Variants in AFAP1L2 observed in about 807,000 individuals in gnomAD.
AFAP1L2 encodes actin filament associated protein 1 like 2.
AFAP1L2 carries 46 observed loss-of-function variants against 99.3 expected under a neutral mutation model. The ratio of observed to expected loss-of-function variants is 0.46; its 90% confidence interval spans 0.37 to 0.59. The LOEUF is 0.59. Among genes scored for constraint, AFAP1L2 ranks in the 20% least tolerant of loss-of-function variants. The pLI, the probability that AFAP1L2 is intolerant of heterozygous loss-of-function variation, is 0.00. For missense variants in AFAP1L2, 959 were observed against 1,034.9 expected, an observed-to-expected ratio of 0.93 and a Z score of 1.01; for synonymous variants, 397 against 419.1, an observed-to-expected ratio of 0.95 and a Z score of 0.64.
chr10:114,291,996 G>A (rs775982897), downstream of AFAP1L2, among the ~76,000 whole-genome samples: 37 of 152,290 alleles, frequency 2.4e-4, no homozygotes, highest in African/African-American at 5.1e-4. Flanking sequence ...AAGAGGCTGC[G>A]GCCAGAGACT....
upstream of AFAP1L2, among the ~76,000 whole-genome samples, chr10:114,404,966 C>G (rs1441776154): frequency 1.3e-5 from 2 of 152,172 alleles, no homozygotes; most frequent in Non-Finnish European, 2.9e-5. Flanking sequence ...GCTTGGCTCC[C>G]GAGCCAGCGC....
At chr10:114,301,510 G>T in intron 12 of AFAP1L2, 45 bp from the exon 13 acceptor site, 1 of 1,438,898 alleles carries the variant, frequency 6.9e-7, no homozygotes, top group Non-Finnish European at 9.8e-7. Context: ...CCGGGGCAGG[G>T]TGGTGAAAGC....
chr10:114,349,124 C>A (rs895703367), intron 1 of AFAP1L2, among the ~76,000 whole-genome samples: 3 of 151,938 alleles, frequency 2.0e-5, no homozygotes, highest in Non-Finnish European at 4.4e-5. Context: ...ACACCTGTAA[C>A]CCCAGCACTT....
intron 9 of AFAP1L2, among the ~76,000 whole-genome samples, 190 bp downstream of exon 9, chr10:114,308,243 C>T (rs184221915): frequency 6.6e-6 from 1 of 152,334 alleles, no homozygotes; most frequent in Admixed American, 6.5e-5. Flanking sequence ...ATTCTATCCC[C>T]AGCATTTCAT....
chr10:114,295,727 C>CTATT lies in AFAP1L2; in HGVS notation c.*311_*314dup. 3 of 1,096,336 alleles carry CTATT rather than the reference C, an allele frequency of 2.7e-6. No individual in the cohort carries two copies. Among genetic ancestry groups the CTATT allele is most frequent in the Non-Finnish European group, 3.3e-6 (3 of 900,630 alleles). The allele number at this position is 1,096,336 out of a possible 1,614,324, so 67.9% of individuals were successfully genotyped here. A position where few individuals can be genotyped will look rare whatever the true frequency, so the allele number is the denominator to read the frequency against. ...CCAAAGTCTAAACAGGAGGTTTTCA[C>CTATT]TATTTAAAAATCTTAGTAAAGCAAT... On this transcript the variant is annotated 3_prime_UTR_variant, in exon 19 of 19. Coordinates refer to ENST00000304129, the MANE Select transcript of AFAP1L2 (RefSeq NM_001001936.3).
At position 114,377,997 on chromosome 10, in the gene AFAP1L2, C is replaced by T. The variant is rs1590715765; in HGVS notation, c.16+26443G>A. On this transcript the variant is annotated intron_variant, in intron 1 of 18. Coordinates refer to ENST00000304129, the MANE Select transcript of AFAP1L2 (RefSeq NM_001001936.3). The surrounding 1 kb of genome is among the most constrained non-coding windows in gnomAD (Gnocchi z 4.0). The stretch of plus-strand genomic sequence containing the variant: ...TACGATAGGCTGTGTCGCTATTTGC[C>T]GTAAAGCCTCCCAGGCAAGGAGGGC... Among the ~76,000 whole-genome samples the T allele has an allele frequency of 1.3e-5, 2 of 152,280 alleles. No homozygotes were observed. The highest frequency in any genetic ancestry group is 2.1e-4 in the South Asian group (1 of 4,824).
chr10:114,360,928 T>A (rs2052309741), intron 1 of AFAP1L2, among the ~76,000 whole-genome samples: 2 of 152,198 alleles, frequency 1.3e-5, no homozygotes, highest in Non-Finnish European at 1.5e-5. Context: ...TAGTCTGTTT[T>A]CATGCTGCTG....
At position 114,297,367 on chromosome 10, in the gene AFAP1L2, G is replaced by C. The variant is rs377139417; in HGVS notation, c.2160C>G (p.Asp720Glu). ...ASLEQKLKEI[D>E]EECRGEESRR... Reference sequence around the variant, plus strand: ...TGCTCTCCTCGCCCCGGCACTCCTCGTCAATTTCCTTCAGCTTCTGCTCCA... The same window carrying C: ...TGCTCTCCTCGCCCCGGCACTCCTCCTCAATTTCCTTCAGCTTCTGCTCCA... The change falls in exon 17 of 19, where the codon GAC (aspartate) becomes GAG (glutamate). Residue 720 changes from aspartate to glutamate, a missense_variant. By Grantham distance (45) the Asp-to-Glu change is conservative. Transcript: ENST00000304129. The C allele has an allele frequency of 6.2e-7, 1 of 1,613,626 alleles. No individual in the cohort carries two copies. Among genetic ancestry groups the C allele is most frequent in the South Asian group, 1.1e-5 (1 of 91,058 alleles).
At chr10:114,403,905 C>A (rs925043871) in intron 1 of AFAP1L2, among the ~76,000 whole-genome samples, 4 of 152,222 alleles carry the variant, frequency 2.6e-5, no homozygotes, top group Non-Finnish European at 5.9e-5. Flanking sequence ...GAAACGATGA[C>A]CCGAACGGCA....
chr10:114,308,280 C>A (rs2042721905), intron 9 of AFAP1L2, among the ~76,000 whole-genome samples, 153 bp downstream of exon 9: 1 of 152,228 alleles, frequency 6.6e-6, no homozygotes, highest in Non-Finnish European at 1.5e-5. Flanking sequence ...TTGGCCGAGT[C>A]TCCCTTTTTC....
chr10:114,311,981 G>A (rs889734711), intron 7 of AFAP1L2, among the ~76,000 whole-genome samples: 2 of 152,208 alleles, frequency 1.3e-5, no homozygotes, highest in Non-Finnish European at 2.9e-5. Flanking sequence ...GCTTCTGAGA[G>A]CAGGCATTTC....
chr10:114,318,739 T>TTAAAA (rs2044552955), intron 5 of AFAP1L2, among the ~76,000 whole-genome samples: 3 of 91,072 alleles, frequency 3.3e-5, no homozygotes, highest in African/African-American at 1.0e-4. Context: ...AGACTCTGTC[T>TTAAAA]AAAAAAAAGA....
At chr10:114,346,183 C>CT (rs907317102) in intron 1 of AFAP1L2, among the ~76,000 whole-genome samples, 3 of 152,162 alleles carry the variant, frequency 2.0e-5, no homozygotes, top group African/African-American at 7.2e-5. Context: ...GATGTTCCTT[C>CT]CCTTCCTCTC....
At chr10:114,360,735 T>C (rs2136525866) in intron 1 of AFAP1L2, among the ~76,000 whole-genome samples, 1 of 152,334 alleles carries the variant, frequency 6.6e-6, no homozygotes, top group East Asian at 1.9e-4. Context: ...ACCACTATTA[T>C]TCTGAAACCT....
In AFAP1L2 at chr10:114,295,330, A is replaced by G. The variant is rs1327588034; in HGVS notation, c.*712T>C. Reference sequence around the variant, plus strand: ...GGATTTTAAGCATTTTTTCCTATATATAATACAGCATCACTTAAAATTTTA... The same window carrying G: ...GGATTTTAAGCATTTTTTCCTATATGTAATACAGCATCACTTAAAATTTTA... On this transcript the variant is annotated 3_prime_UTR_variant, in exon 19 of 19. Coordinates refer to ENST00000304129, the MANE Select transcript of AFAP1L2 (RefSeq NM_001001936.3). 2 of 985,332 alleles carry G rather than the reference A, an allele frequency of 2.0e-6. No individual in the cohort carries two copies. The highest frequency in any genetic ancestry group is 2.4e-6 in the Non-Finnish European group (2 of 829,416). The allele number at this position is 985,332 out of a possible 1,614,324, so 61.0% of individuals were successfully genotyped here.
intron 4 of AFAP1L2, among the ~76,000 whole-genome samples, chr10:114,324,369 G>C (rs868701005): frequency 6.7e-6 from 1 of 148,416 alleles, no homozygotes; most frequent in Non-Finnish European, 1.5e-5. Flanking sequence ...ACAGTTTCCC[G>C]AGTAGTTGGG....
rs1220057788 is a variant in AFAP1L2 at position 114,295,385 on chromosome 10, G to A, written c.*657C>T. 12 of 985,534 alleles carry A rather than the reference G, an allele frequency of 1.2e-5. No homozygotes were observed. Among genetic ancestry groups the A allele is most frequent in the African/African-American group, 5.2e-5 (3 of 57,224 alleles). The allele number at this position is 985,534 out of a possible 1,614,324, so 61.0% of individuals were successfully genotyped here. A position where few individuals can be genotyped will look rare whatever the true frequency, so the allele number is the denominator to read the frequency against. On this transcript the variant is annotated 3_prime_UTR_variant, in exon 19 of 19. Transcript: ENST00000304129. ...AAGACAGTTGATTCAGGCCTGCCTT[G>A]GACTGGAAAGAAGTCTTTAACTTAG...
chr10:114,338,499 G>A (rs765852031), intron 2 of AFAP1L2, among the ~76,000 whole-genome samples: 2 of 152,114 alleles, frequency 1.3e-5, no homozygotes, highest in Non-Finnish European at 2.9e-5. Flanking sequence ...GTTCCTAGCC[G>A]CCTCCTTCGT....
chr10:114,302,618 G>T, intron 11 of AFAP1L2, 134 bp from the exon 12 acceptor site: 1 of 1,089,400 alleles, frequency 9.2e-7, no homozygotes, highest in Non-Finnish European at 1.3e-6. Flanking sequence ...CCGGGGCTGT[G>T]CTTCTCCTGT....
Sources: allele counts gnomAD v4.1 joint callset (sites outside exome capture counted in the v4.1 genomes callset), GRCh38; gene constraint gnomAD v4.1.1; non-coding constraint Gnocchi (gnomAD v3.1); transcripts MANE v1.5; gene names NCBI Gene and HGNC (gene_info 2026-07-23, HGNC 2026-07-21).